Variants in FUOM observed in about 807,000 individuals in gnomAD.
FUOM encodes the protein protein fucU homolog.
Under a neutral mutation model 18.3 loss-of-function variants are expected in FUOM, and 19 were observed. That is an observed-to-expected ratio of 1.04 (90% CI 0.73 to 1.53). FUOM has a LOEUF of 1.53. Among genes scored for constraint, FUOM ranks in the 40% most tolerant of loss-of-function variants. The pLI is 0.00. For missense variants in FUOM, 210 were observed against 200.9 expected (o/e 1.04, Z -0.27); for synonymous variants, 102 against 87.9 (o/e 1.16, Z -0.90).
intron 1 of FUOM, chr10:133,357,662 G>C: frequency 2.0e-6 from 1 of 508,956 alleles, no homozygotes; most frequent in South Asian, 2.7e-5. Flanking sequence ...CGAACCCTCG[G>C]GGGCAGCCCA....
chr10:133,354,184 G>C (rs1848727813), downstream of FUOM, among the ~76,000 whole-genome samples: 1 of 152,194 alleles, frequency 6.6e-6, no homozygotes, highest in Admixed American at 6.5e-5. Flanking sequence ...CCACGACGCG[G>C]CCATCGGGTC....
chr10:133,354,282 C>T (rs1474396831), downstream of FUOM, among the ~76,000 whole-genome samples: 1 of 152,156 alleles, frequency 6.6e-6, no homozygotes. Context: ...CCTTGGCTAC[C>T]ATCTGGGAGC....
chr10:133,356,253 T>A (rs1848791616), intron 4 of FUOM, among the ~76,000 whole-genome samples: 1 of 152,200 alleles, frequency 6.6e-6, no homozygotes, highest in Non-Finnish European at 1.5e-5. Flanking sequence ...GCTAAGCCTC[T>A]GACCAACCAT....
At chr10:133,353,793 CT>C (rs552282548), downstream of FUOM, among the ~76,000 whole-genome samples, 36 of 152,250 alleles carry the variant, frequency 2.4e-4, no homozygotes, top group Middle Eastern at 3.4e-3. Flanking sequence ...GCAGCCTCCC[CT>C]GTCATCCTGA....
chr10:133,355,856 C>T (rs777941957), intron 4 of FUOM, 45 bp from the exon 5 acceptor site: 2 of 1,508,860 alleles, frequency 1.3e-6, no homozygotes, highest in Admixed American at 3.3e-5. Flanking sequence ...TGCCAAGAAA[C>T]CCTCATGGGC....
In FUOM at chr10:133,357,709, C is replaced by T. The variant is rs1341122783; in HGVS notation, c.85+214G>A. ...TCTCGGGCCGTCTGGGGAGGGACTCCGGGAGAAGCTCGGGCCGGCTCCGCC... is the reference window on the plus strand; with the variant it reads ...TCTCGGGCCGTCTGGGGAGGGACTCTGGGAGAAGCTCGGGCCGGCTCCGCC... On this transcript the variant is annotated intron_variant, in intron 1 of 5. Transcript: ENST00000278025. The T allele has an allele frequency of 3.0e-5, 16 of 525,504 alleles. No homozygotes were observed. In the Admixed American group the frequency reaches 6.0e-4, roughly 20 times the overall value. 32.6% of individuals were successfully genotyped at this position (525,504 alleles called of 1,614,324 possible).
rs376963710 is a variant in FUOM at position 133,355,347 on chromosome 10, G to A, written c.*23C>T. 1.9e-5 allele frequency: 30 copies of A among 1,583,900 alleles called. No individual in the cohort carries two copies. Among genetic ancestry groups the A allele is most frequent in the South Asian group, 4.6e-5 (4 of 87,530 alleles). ...TCAGGGTGCCCCCAGTTCCTCTTCC[G>A]GCCCAGGTGGTCTTCACCAGGCCTA... On this transcript the variant is annotated 3_prime_UTR_variant, in exon 6 of 6. Coordinates refer to ENST00000278025, the MANE Select transcript of FUOM (RefSeq NM_001098483.3).
Position 133,357,169 on chromosome 10 carries a change from G to T in FUOM, c.154+18C>A. The T allele has an allele frequency of 6.4e-7, 1 of 1,560,868 alleles. No individual in the cohort carries two copies. ...CTCACCCGCCCGCCCTGCCCTGGGG[G>T]ACCTGGGGCTCGCTCACCGTCTGCA... On this transcript the variant is annotated intron_variant, in intron 2 of 5. Transcript: ENST00000278025.
intron 1 of FUOM, chr10:133,357,611 C>G: frequency 2.0e-6 from 1 of 488,410 alleles, no homozygotes; most frequent in Non-Finnish European, 3.6e-6. Context: ...GCCACCCAAC[C>G]CCTGCCCCGG....
chr10:133,353,010 T>C (rs1848708072), downstream of FUOM, among the ~76,000 whole-genome samples: 1 of 151,816 alleles, frequency 6.6e-6, no homozygotes, highest in Non-Finnish European at 1.5e-5. Flanking sequence ...ACCGGGATGG[T>C]GAGGGGTGTG....
intron 2 of FUOM, 55 bp from the exon 3 acceptor site, chr10:133,357,068 T>C: frequency 6.5e-7 from 1 of 1,540,826 alleles, no homozygotes. Flanking sequence ...CGCCTGCCTG[T>C]CTGCACCCTT....
chr10:133,353,536 G>A (rs946965536), downstream of FUOM, among the ~76,000 whole-genome samples: 1 of 152,206 alleles, frequency 6.6e-6, no homozygotes, highest in African/African-American at 2.4e-5. Flanking sequence ...TCATCCTGCC[G>A]TGTTCAGCCC....
Position 133,357,205 on chromosome 10 carries a change from T to C in FUOM, c.136A>G (p.Met46Val). The change falls in exon 2 of 6, where the codon ATG (methionine) becomes GTG (valine). Residue 46 changes from methionine to valine, a missense_variant. By Grantham distance (21) the Met-to-Val change is conservative. Transcript: ENST00000278025. ...PASSICQCGP[M>V]EIRADGLGIP... ...CGCTCACCGTCTGCACGGATCTCCATGGGCCCACACTGGCAGATGGAGGAG... is the reference window on the plus strand; with the variant it reads ...CGCTCACCGTCTGCACGGATCTCCACGGGCCCACACTGGCAGATGGAGGAG... 3.2e-6 allele frequency: 5 copies of C among 1,580,046 alleles called. No individual in the cohort carries two copies. The highest frequency in any genetic ancestry group is 4.3e-6 in the Non-Finnish European group (5 of 1,164,258).
rs752914460 is a variant in FUOM, at chr10:133,355,766, T to C, written c.370A>G (p.Lys124Glu). 1.9e-6 allele frequency: 3 copies of C among 1,613,314 alleles called. No individual in the cohort carries two copies. In the Admixed American group the frequency reaches 5.0e-5, roughly 27 times the overall value. Residue 124 changes from lysine to glutamate, a missense_variant, in exon 5 of 6, where the codon AAG (lysine) becomes GAG (glutamate). Transcript: ENST00000278025. ...IERFEFYERA[K>E]KAFAVVATGE... ...GTTGCCACAACAGCAAAAGCCTTCT[T>C]AGCCCGTTCATAAAACTCAAACCTC...
rs1054970570 is a variant in FUOM, at chr10:133,357,092, T to C, written c.155-79A>G. Reference sequence around the variant, plus strand: ...GTCTGCACCCTTCACACTGCAAGCATGGACTTGGGGCCACGGCAGGCCACA... The same window carrying C: ...GTCTGCACCCTTCACACTGCAAGCACGGACTTGGGGCCACGGCAGGCCACA... On this transcript the variant is annotated intron_variant, in intron 2 of 5. Transcript: ENST00000278025. The C allele has an allele frequency of 6.5e-6, 10 of 1,538,462 alleles. No individual in the cohort carries two copies. In the African/African-American group the frequency reaches 1.2e-4, roughly 19 times the overall value.
At chr10:133,357,703 G>A (rs1316238591) in intron 1 of FUOM, 3 of 524,848 alleles carry the variant, frequency 5.7e-6, no homozygotes, top group Non-Finnish European at 1.0e-5. Context: ...GTCTGGGGAG[G>A]GACTCCGGGA....
At chr10:133,355,537 A>G in intron 5 of FUOM, 101 bp from the exon 6 acceptor site, 3 of 1,609,016 alleles carry the variant, frequency 1.9e-6, no homozygotes, top group Non-Finnish European at 2.5e-6. Flanking sequence ...GTCCACCTTC[A>G]CCCACTTGAT....
In FUOM at chr10:133,356,946, A is replaced by G; in HGVS notation, c.222T>C (p.Ser74=). Residue 74 remains serine (S), a synonymous_variant, in exon 3 of 6, where the codon AGT becomes AGC. Coordinates refer to ENST00000278025, the MANE Select transcript of FUOM (RefSeq NM_001098483.3). ...KLLPLDTYVE[S]PAAVMELVPS... The stretch of plus-strand genomic sequence containing the variant: ...GCAGGGGCGACTCAGCCCTCACCGG[A>G]CTCTCCACATAGGTGTCCAGGGGCA... The G allele has an allele frequency of 1.3e-6, 2 of 1,550,082 alleles. No individual in the cohort carries two copies. Among genetic ancestry groups the G allele is most frequent in the Admixed American group, 2.0e-5 (1 of 51,000 alleles).
chr10:133,356,032 G>A (rs1323200565), intron 4 of FUOM, among the ~76,000 whole-genome samples: 1 of 152,180 alleles, frequency 6.6e-6, no homozygotes, highest in Non-Finnish European at 1.5e-5. Flanking sequence ...GCCATGCTTG[G>A]GTCTCTGCCT....
Sources: gnomAD v4.1 joint callset for allele counts (sites outside exome capture counted in the v4.1 genomes callset) on GRCh38, gnomAD v4.1.1 for gene constraint, MANE v1.5 for transcripts, NCBI Gene and HGNC (gene_info 2026-07-23, HGNC 2026-07-21) for gene names.